Variants in BANF2 observed in about 807,000 individuals in gnomAD.
The protein encoded by BANF2 is barrier-to-autointegration factor-like protein.
A neutral mutation model predicts 8.0 loss-of-function variants in BANF2; 4 were observed. The observed-to-expected ratio is 0.50, with a 90% CI of 0.25 to 1.14. The LOEUF (loss-of-function observed/expected upper bound fraction) is 1.14, where lower values mean the gene tolerates loss of function less well. Ranked by LOEUF, BANF2 falls within the 50% of genes most tolerant of loss-of-function variation. The pLI is 0.16. For synonymous variants in BANF2, 50 were observed against 40.6 expected (o/e 1.23, Z -0.88); for missense variants, 96 against 107.5 (o/e 0.89, Z 0.47).
At chr20:17,715,525 T>G (rs948815186) in intron 1 of BANF2, among the ~76,000 whole-genome samples, 1 of 152,246 alleles carries the variant, frequency 6.6e-6, no homozygotes, top group Non-Finnish European at 1.5e-5. Flanking sequence ...TTGTTCCCCA[T>G]TGCAGAATCG....
At chr20:17,723,417 T>C (rs1323351110) in intron 2 of BANF2, among the ~76,000 whole-genome samples, 1 of 152,172 alleles carries the variant, frequency 6.6e-6, no homozygotes, top group East Asian at 1.9e-4. Context: ...TTGAGCCCAT[T>C]CACAAAGAAA....
intron 1 of BANF2, among the ~76,000 whole-genome samples, chr20:17,694,065 G>C (rs769668023): frequency 6.6e-6 from 1 of 152,224 alleles, no homozygotes; most frequent in Non-Finnish European, 1.5e-5. Context: ...TACATACAAC[G>C]TGTGGCCTAA....
At position 17,735,814 on chromosome 20, in the gene BANF2, A is replaced by T; in HGVS notation, c.*3A>T. On this transcript the variant is annotated 3_prime_UTR_variant, in exon 4 of 4. Coordinates refer to ENST00000246090, the MANE Select transcript of BANF2 (RefSeq NM_178477.5). ...AGTGGTGTGCCTGCTTCCTGTAGAC[A>T]CAAACCTCATTGCTGCCCCCCACCA... is the stretch of plus-strand genomic sequence containing the variant. 1.2e-6 allele frequency: 2 copies of T among 1,611,364 alleles called. No individual in the cohort carries two copies. The highest frequency in any genetic ancestry group is 1.7e-6 in the Non-Finnish European group (2 of 1,178,366).
upstream of BANF2, among the ~76,000 whole-genome samples, chr20:17,697,328 C>T (rs2037354982): frequency 6.6e-6 from 1 of 152,162 alleles, no homozygotes; most frequent in Non-Finnish European, 1.5e-5. Flanking sequence ...ATTCAGGCCT[C>T]CCTGTGCAGA....
chr20:17,700,508 C>T (rs149938818), intron 1 of BANF2, among the ~76,000 whole-genome samples: 123 of 152,320 alleles, frequency 8.1e-4, no homozygotes, highest in Middle Eastern at 3.4e-3. Flanking sequence ...ATGTGAACGA[C>T]GGTCCTTCCT....
At chr20:17,727,194 C>T (rs1185747330) in intron 3 of BANF2, among the ~76,000 whole-genome samples, 1 of 152,210 alleles carries the variant, frequency 6.6e-6, no homozygotes, top group Non-Finnish European at 1.5e-5. Flanking sequence ...TGTCTGTGTG[C>T]AGCCGGGTCC....
intron 1 of BANF2, among the ~76,000 whole-genome samples, chr20:17,711,483 A>G (rs1208100568): frequency 6.6e-6 from 1 of 152,248 alleles, no homozygotes; most frequent in East Asian, 1.9e-4. Context: ...GCAGAGCCTG[A>G]GAGCCGGGTT....
At position 17,693,673 on chromosome 20, in the gene BANF2, A is replaced by T. The variant is rs1454928237; in HGVS notation, c.-16A>T. ...GGTTTATGCAGAATCAGAACTTTAA[A>T]GCAACCCTGCGCTGAATGCTGCGAG... On this transcript the variant is annotated 5_prime_UTR_variant, in exon 1 of 3. Coordinates refer to the BANF2 transcript ENST00000545418. 1.4e-5 allele frequency: 21 copies of T among 1,551,486 alleles called. No homozygotes were observed. The East Asian group carries it at 4.9e-4, about 36-fold the overall frequency.
chr20:17,712,151 T>G (rs1870182892), intron 1 of BANF2: 1 of 152,446 alleles, frequency 6.6e-6, no homozygotes, highest in South Asian at 2.1e-4. Flanking sequence ...AGTCCCTTTT[T>G]GTCTTTTAGG....
chr20:17,719,523 T>C (rs1247310793), intron 1 of BANF2, among the ~76,000 whole-genome samples: 1 of 152,000 alleles, frequency 6.6e-6, no homozygotes, highest in Non-Finnish European at 1.5e-5. Flanking sequence ...TAGAGAAGGA[T>C]TTCGGGGAGC....
chr20:17,720,565 T>C (rs2037714679), intron 1 of BANF2, among the ~76,000 whole-genome samples: 1 of 152,250 alleles, frequency 6.6e-6, no homozygotes, highest in African/African-American at 2.4e-5. Flanking sequence ...CAGTTCCACT[T>C]ATATGTAACT....
At chr20:17,708,046 C>CAAAAA (rs1491179991) in intron 1 of BANF2, among the ~76,000 whole-genome samples, 8 of 111,786 alleles carry the variant, frequency 7.2e-5, no homozygotes, top group African/African-American at 1.4e-4. Flanking sequence ...TACTAAAAAT[C>CAAAAA]AAAAAAAAAA....
intron 2 of BANF2, 126 bp downstream of exon 2, chr20:17,723,004 G>A: frequency 1.6e-6 from 1 of 608,586 alleles, no homozygotes; most frequent in Non-Finnish European, 2.1e-6. Flanking sequence ...TTGGATTGGG[G>A]AGCAAAGGCC....
chr20:17,700,491 G>A (rs974904422), intron 1 of BANF2, among the ~76,000 whole-genome samples: 5 of 152,196 alleles, frequency 3.3e-5, no homozygotes, highest in African/African-American at 9.7e-5. Flanking sequence ...GCCACCTCCC[G>A]TCCAAAATGT....
chr20:17,728,230 C>G (rs541274793), intron 3 of BANF2, among the ~76,000 whole-genome samples: 96 of 152,306 alleles, frequency 6.3e-4, no homozygotes, highest in Admixed American at 2.1e-3. Context: ...TCCGCCCTTG[C>G]TTGTGACGGC....
upstream of BANF2, among the ~76,000 whole-genome samples, chr20:17,697,073 G>T (rs6044958): frequency 8.2e-3 from 1,255 of 152,186 alleles, 15 homozygotes; most frequent in African/African-American, 0.028. Context: ...CACAGTGCAG[G>T]TGTGAGGCTG....
intron 3 of BANF2, among the ~76,000 whole-genome samples, chr20:17,728,778 G>A (rs1373568227): frequency 2.6e-5 from 4 of 152,118 alleles, no homozygotes; most frequent in Non-Finnish European, 5.9e-5. Context: ...CCCTTCCCAG[G>A]GGCAATCAGC....
At chr20:17,707,247 G>T (rs60808125) in intron 1 of BANF2, among the ~76,000 whole-genome samples, 2,384 of 151,782 alleles carry the variant, frequency 0.016, 81 homozygotes, top group African/African-American at 0.055. Flanking sequence ...AAAATTAACC[G>T]GGCATGGTGG....
intron 1 of BANF2, among the ~76,000 whole-genome samples, chr20:17,701,219 G>A (rs2037404170): frequency 6.6e-6 from 1 of 152,152 alleles, no homozygotes; most frequent in South Asian, 2.1e-4. Flanking sequence ...ACAGTAGAGG[G>A]GCCGGCGCTA....
Sources: allele counts gnomAD v4.1 joint callset (sites outside exome capture counted in the v4.1 genomes callset), GRCh38; gene constraint gnomAD v4.1.1; transcripts MANE v1.5; gene names NCBI Gene and HGNC (gene_info 2026-07-23, HGNC 2026-07-21).